The following CTNNA3 variants were observed in gnomAD, a reference collection of about 807,000 sequenced individuals.
The protein encoded by CTNNA3 is catenin alpha 3.
CTNNA3 carries 76 observed loss-of-function variants against 95.7 expected under a neutral mutation model. The observed-to-expected ratio is 0.79, with a 90% CI of 0.66 to 0.96. The LOEUF (loss-of-function observed/expected upper bound fraction) is 0.96. Among genes scored for constraint, CTNNA3 ranks in the 40% least tolerant of loss-of-function variants. CTNNA3 has a pLI of 0.00. For synonymous variants in CTNNA3, 431 were observed against 374.4 expected (o/e 1.15, Z -1.74); for missense variants, 1,191 against 1,089.8 (o/e 1.09, Z -1.31).
rs76886318 is a variant in CTNNA3 at position 66,743,608 on chromosome 10, C to T, written c.1281+22656G>A. The stretch of plus-strand genomic sequence containing the variant: ...ATTGTAACATGTCTGGTGTGAGGTA[C>T]TTCTAGTTATTCATAAAGGGGAAAA... On this transcript the variant is annotated intron_variant, in intron 9 of 17. Coordinates refer to ENST00000433211, the MANE Select transcript of CTNNA3 (RefSeq NM_013266.4). Among the ~76,000 whole-genome samples, 407 of 152,140 alleles carry T rather than the reference C, an allele frequency of 2.7e-3. 12 individuals carry two copies. In the East Asian group the frequency reaches 0.054, roughly 20 times the overall value.
At chr10:66,530,433 T>A (rs1841426613) in intron 10 of CTNNA3, among the ~76,000 whole-genome samples, 1 of 152,200 alleles carries the variant, frequency 6.6e-6, no homozygotes. Context: ...GTTCTACTAC[T>A]ACCAAATATT....
intron 15 of CTNNA3, among the ~76,000 whole-genome samples, chr10:66,056,992 T>C (rs567587728): frequency 5.5e-4 from 83 of 152,292 alleles, no homozygotes; most frequent in Middle Eastern, 3.4e-3. Flanking sequence ...TTCAATTCAG[T>C]AAGAATCAGA....
chr10:66,969,380 A>G (rs1849601582), intron 7 of CTNNA3, among the ~76,000 whole-genome samples: 1 of 152,156 alleles, frequency 6.6e-6, no homozygotes, highest in African/African-American at 2.4e-5. Flanking sequence ...CGTTCCATAA[A>G]ATGAATGTGC....
chr10:66,123,623 T>C (rs1197133904), intron 13 of CTNNA3, among the ~76,000 whole-genome samples: 4 of 152,194 alleles, frequency 2.6e-5, no homozygotes, highest in Non-Finnish European at 4.4e-5. Flanking sequence ...GCAGAGGTTC[T>C]CCATGGGATC....
At chr10:67,721,503 C>T (rs2133619676) in intron 1 of CTNNA3, among the ~76,000 whole-genome samples, 1 of 152,194 alleles carries the variant, frequency 6.6e-6, no homozygotes, top group East Asian at 1.9e-4. Flanking sequence ...TTTTTCAGCT[C>T]CATCAGGTCA....
At chr10:67,135,532 G>T (rs987943520) in intron 7 of CTNNA3, among the ~76,000 whole-genome samples, 1 of 151,916 alleles carries the variant, frequency 6.6e-6, no homozygotes, top group Non-Finnish European at 1.5e-5. Context: ...ATAATTAAAG[G>T]GGTATGGTGG....
At chr10:67,742,066 T>A (rs1841343128) in intron 1 of CTNNA3, among the ~76,000 whole-genome samples, 1 of 151,026 alleles carries the variant, frequency 6.6e-6, no homozygotes, top group South Asian at 2.1e-4. Context: ...TGGGAGACTT[T>A]AACACCCCAC....
intron 5 of CTNNA3, chr10:67,346,576 C>A: frequency 4.7e-6 from 1 of 213,168 alleles, no homozygotes; most frequent in Admixed American, 5.3e-5. Context: ...CTTATTAGAA[C>A]AGACGAGGCT....
chr10:67,374,546 T>C (rs574941905), intron 5 of CTNNA3, among the ~76,000 whole-genome samples: 30 of 152,348 alleles, frequency 2.0e-4, no homozygotes, highest in Middle Eastern at 3.4e-3. Context: ...TATTGGGCTA[T>C]ATGATACTGT....
intron 7 of CTNNA3, among the ~76,000 whole-genome samples, chr10:67,077,401 C>T (rs1468497116): frequency 6.6e-6 from 1 of 152,132 alleles, no homozygotes; most frequent in Non-Finnish European, 1.5e-5. Context: ...GCCCTGATGG[C>T]TTTTTGAGTC....
intron 5 of CTNNA3, among the ~76,000 whole-genome samples, chr10:67,336,502 G>A (rs767922316): frequency 2.6e-5 from 4 of 152,200 alleles, no homozygotes; most frequent in Non-Finnish European, 5.9e-5. Flanking sequence ...GGGAGAAGCT[G>A]CAGCATATTA....
intron 5 of CTNNA3, among the ~76,000 whole-genome samples, chr10:67,359,831 A>G (rs572004426): frequency 6.6e-6 from 1 of 152,228 alleles, no homozygotes; most frequent in East Asian, 1.9e-4. Context: ...GTCAACATGC[A>G]ATCCCAAGAA....
intron 5 of CTNNA3, among the ~76,000 whole-genome samples, chr10:67,448,845 ATAT>A (rs1253139212): frequency 6.7e-6 from 1 of 148,156 alleles, no homozygotes; most frequent in Non-Finnish European, 1.5e-5. Context: ...TTAGAAATAT[ATAT>A]TATTTTAATT....
intron 6 of CTNNA3, among the ~76,000 whole-genome samples, chr10:67,211,683 A>T (rs762381093): frequency 5.9e-5 from 9 of 152,208 alleles, no homozygotes; most frequent in Non-Finnish European, 1.3e-4. Context: ...AGATGCATAA[A>T]CAAATAAATG....
chr10:65,993,088 T>C (rs952400433), intron 15 of CTNNA3, among the ~76,000 whole-genome samples: 5 of 152,234 alleles, frequency 3.3e-5, no homozygotes, highest in African/African-American at 1.2e-4. Context: ...TTTTATTTGA[T>C]TGTGGCATAG....
chr10:65,987,694 G>A (rs1589219390), intron 16 of CTNNA3, among the ~76,000 whole-genome samples: 1 of 152,002 alleles, frequency 6.6e-6, no homozygotes, highest in African/African-American at 2.4e-5. Flanking sequence ...TTTATTTAAA[G>A]AAAAGGAAGT....
intron 13 of CTNNA3, among the ~76,000 whole-genome samples, chr10:66,188,761 C>T (rs987195392): frequency 6.6e-6 from 1 of 152,082 alleles, no homozygotes; most frequent in Non-Finnish European, 1.5e-5. Flanking sequence ...CCAGATTGCT[C>T]GGTCATATTG....
chr10:67,137,870 T>C (rs1020293654), intron 7 of CTNNA3, among the ~76,000 whole-genome samples: 3 of 151,872 alleles, frequency 2.0e-5, no homozygotes, highest in Non-Finnish European at 4.4e-5. Context: ...ATGACATGCA[T>C]CACTAGATTG....
At chr10:67,064,881 AC>A (rs1246837769) in intron 7 of CTNNA3, among the ~76,000 whole-genome samples, 1 of 152,214 alleles carries the variant, frequency 6.6e-6, no homozygotes, top group Non-Finnish European at 1.5e-5. Context: ...ATTTGCAGGT[AC>A]CTTTAAGCTA....
Sources: gnomAD v4.1 joint callset for allele counts (sites outside exome capture counted in the v4.1 genomes callset) on GRCh38, gnomAD v4.1.1 for gene constraint, MANE v1.5 for transcripts, NCBI Gene and HGNC (gene_info 2026-07-23, HGNC 2026-07-21) for gene names.